The following DACH1 variants were observed in gnomAD, a reference collection of about 807,000 sequenced individuals.
DACH1 encodes dachshund homolog 1.
DACH1 carries 12 observed loss-of-function variants against 54.2 expected under a neutral mutation model. That is an observed-to-expected ratio of 0.22 (90% confidence interval 0.14 to 0.36). DACH1 has a LOEUF of 0.36. Among genes scored for constraint, DACH1 ranks in the 10% least tolerant of loss-of-function variants. DACH1 has a pLI of 1.00. For synonymous variants in DACH1, 386 were observed against 366.2 expected (o/e 1.05, Z -0.62); for missense variants, 805 against 929.8 (o/e 0.87, Z 1.75).
rs187904694 is a variant in DACH1 at position 71,841,801 on chromosome 13, C to T, written c.848+24121G>A. Among the ~76,000 whole-genome samples, 29 of 152,238 alleles carry T rather than the reference C, an allele frequency of 1.9e-4. No homozygotes were observed. The East Asian group carries it at 2.1e-3, about 11-fold the overall frequency. On this transcript the variant is annotated intron_variant, in intron 1 of 10. Coordinates refer to ENST00000613252, the MANE Select transcript of DACH1 (RefSeq NM_080759.6). ...TTCTACTATAAGTCCTAATTCTTGA[C>T]TCTTATTTCCTAGGTATGACCTGGA...
intron 10 of DACH1, among the ~76,000 whole-genome samples, chr13:71,452,527 A>G (rs951630794): frequency 6.6e-6 from 1 of 152,212 alleles, no homozygotes; most frequent in African/African-American, 2.4e-5. Context: ...AACTAGTTAA[A>G]GATTTACCCT....
intron 3 of DACH1, among the ~76,000 whole-genome samples, chr13:71,595,126 G>A (rs1874001828): frequency 6.6e-6 from 1 of 152,104 alleles, no homozygotes; most frequent in Admixed American, 6.6e-5. Flanking sequence ...ACGGATCTCT[G>A]GATGAAGAGG....
At chr13:71,685,587 C>T (rs770261966) in intron 1 of DACH1, among the ~76,000 whole-genome samples, 2 of 152,328 alleles carry the variant, frequency 1.3e-5, no homozygotes, top group South Asian at 2.1e-4. Context: ...CCCTTCACAA[C>T]CTACAGTTAG....
intron 10 of DACH1, among the ~76,000 whole-genome samples, chr13:71,444,742 C>G (rs942850230): frequency 1.3e-5 from 2 of 152,084 alleles, no homozygotes; most frequent in Non-Finnish European, 2.9e-5. Context: ...TTTACATTAA[C>G]TAGCCAAATT....
At chr13:71,604,048 A>C (rs1874703810) in intron 3 of DACH1, among the ~76,000 whole-genome samples, 2 of 151,920 alleles carry the variant, frequency 1.3e-5, no homozygotes, top group South Asian at 4.1e-4. Flanking sequence ...GATGGGATAC[A>C]TTCACAAAAT....
At chr13:71,546,015 T>C (rs1044446423) in intron 6 of DACH1, among the ~76,000 whole-genome samples, 1 of 152,072 alleles carries the variant, frequency 6.6e-6, no homozygotes. Flanking sequence ...TATACAGATA[T>C]CTGAGTAGAA....
intron 10 of DACH1, among the ~76,000 whole-genome samples, chr13:71,471,492 G>T (rs1345633774): frequency 6.6e-6 from 1 of 152,096 alleles, no homozygotes; most frequent in African/African-American, 2.4e-5. Flanking sequence ...CAGGAGCGGT[G>T]GCTCACGCTT....
At chr13:71,679,943 A>G (rs1880799938) in intron 2 of DACH1, among the ~76,000 whole-genome samples, 1 of 145,682 alleles carries the variant, frequency 6.9e-6, no homozygotes, top group Non-Finnish European at 1.5e-5. Flanking sequence ...CTCCGTCTCA[A>G]AAAAAAAAAA....
chr13:71,601,553 T>G lies in DACH1; in HGVS notation c.1127-28541A>C, dbSNP rs573993763. On this transcript the variant is annotated intron_variant, in intron 3 of 10. Transcript: ENST00000613252. ...GTAGAATACATTTCTGTATTCTTAC[T>G]TATTCTGTGCTATTGGAGGAACACC... Among the ~76,000 whole-genome samples, 4 of 152,126 alleles carry G rather than the reference T, an allele frequency of 2.6e-5. No individual in the cohort carries two copies. In the South Asian group the frequency reaches 8.3e-4, roughly 32 times the overall value.
intron 3 of DACH1, among the ~76,000 whole-genome samples, chr13:71,579,410 G>A (rs183837623): frequency 2.0e-5 from 3 of 151,962 alleles, no homozygotes; most frequent in African/African-American, 7.3e-5. Context: ...CTTTACTACG[G>A]CCAATGATTA....
intron 2 of DACH1, among the ~76,000 whole-genome samples, chr13:71,631,233 T>G (rs2138571322): frequency 6.6e-6 from 1 of 152,326 alleles, no homozygotes; most frequent in East Asian, 1.9e-4. Context: ...CATTCCCTTT[T>G]GCCTGGAACC....
chr13:71,493,020 T>C (rs986339120), intron 6 of DACH1, among the ~76,000 whole-genome samples: 2 of 151,678 alleles, frequency 1.3e-5, no homozygotes, highest in Non-Finnish European at 2.9e-5. Flanking sequence ...TGACATGTTC[T>C]TAATGAGTTT....
At chr13:71,570,719 C>A (rs769781863) in intron 4 of DACH1, among the ~76,000 whole-genome samples, 1 of 152,082 alleles carries the variant, frequency 6.6e-6, no homozygotes, top group Non-Finnish European at 1.5e-5. Flanking sequence ...CTCCATATAT[C>A]CCCCTCCTTT....
chr13:71,507,344 T>G (rs1880419545), intron 6 of DACH1, among the ~76,000 whole-genome samples: 1 of 152,160 alleles, frequency 6.6e-6, no homozygotes, highest in Non-Finnish European at 1.5e-5. Context: ...ACAGAGAATT[T>G]TAATATAGTG....
At chr13:71,511,984 A>C (rs552766392) in intron 6 of DACH1, among the ~76,000 whole-genome samples, 1 of 152,072 alleles carries the variant, frequency 6.6e-6, no homozygotes, top group South Asian at 2.1e-4. Context: ...ATTTATTCCT[A>C]AAACTGTAAC....
intron 1 of DACH1, among the ~76,000 whole-genome samples, chr13:71,792,129 T>C (rs1025065086): frequency 5.3e-5 from 8 of 152,200 alleles, no homozygotes; most frequent in African/African-American, 1.7e-4. Context: ...TTGAGACCAC[T>C]TTAATACTTG....
At chr13:71,673,470 A>C (rs1288025527) in intron 2 of DACH1, among the ~76,000 whole-genome samples, 2 of 152,112 alleles carry the variant, frequency 1.3e-5, no homozygotes, top group African/African-American at 2.4e-5. Context: ...CTGGAGGTAC[A>C]ATGAAAATTC....
chr13:71,863,726 A>G (rs1046730765), intron 1 of DACH1, among the ~76,000 whole-genome samples: 4 of 151,864 alleles, frequency 2.6e-5, no homozygotes, highest in Admixed American at 2.6e-4. Context: ...TTTAACATTG[A>G]TTATAACATT....
At chr13:71,441,356 C>G (rs1358829240) in intron 10 of DACH1, among the ~76,000 whole-genome samples, 6 of 151,950 alleles carry the variant, frequency 3.9e-5, no homozygotes, top group Non-Finnish European at 7.4e-5. Flanking sequence ...TCGAATAAAT[C>G]CATTTGAATG....
Sources: allele counts gnomAD v4.1 joint callset (sites outside exome capture counted in the v4.1 genomes callset), GRCh38; gene constraint gnomAD v4.1.1; transcripts MANE v1.5; gene names NCBI Gene and HGNC (gene_info 2026-07-23, HGNC 2026-07-21).